Variants in TGFBRAP1 observed in about 807,000 individuals in gnomAD.
The protein encoded by TGFBRAP1 is transforming growth factor beta receptor associated protein 1, also known as transforming growth factor-beta receptor-associated protein 1.
Under a neutral mutation model 83.2 loss-of-function variants are expected in TGFBRAP1, and 20 were observed. The ratio of observed to expected loss-of-function variants is 0.24; its 90% CI spans 0.17 to 0.35. The LOEUF (loss-of-function observed/expected upper bound fraction) is 0.35. TGFBRAP1 is among the 10% of genes least tolerant of loss of function. The probability of loss-of-function intolerance (pLI) is 1.00; values close to 1 mark genes in which losing one functional copy is unlikely to be tolerated. For synonymous variants in TGFBRAP1, 415 were observed against 459.8 expected (o/e 0.90, Z 1.25); for missense variants, 950 against 1,099.4 (o/e 0.86, Z 1.92).
chr2:105,310,189 G>A (rs1472860753), intron 1 of TGFBRAP1, among the ~76,000 whole-genome samples: 15 of 152,180 alleles, frequency 9.9e-5, no homozygotes, highest in Admixed American at 1.3e-4. Flanking sequence ...GGACGATTAA[G>A]TAAGTGACCT....
intron 4 of TGFBRAP1, among the ~76,000 whole-genome samples, chr2:105,286,501 G>A (rs538937004): frequency 8.5e-5 from 13 of 152,330 alleles, no homozygotes; most frequent in Non-Finnish European, 1.8e-4. Flanking sequence ...TACATACGAA[G>A]GACAGAGAAC....
intron 8 of TGFBRAP1, among the ~76,000 whole-genome samples, chr2:105,274,714 A>G (rs1051252711): frequency 3.3e-5 from 5 of 152,358 alleles, no homozygotes; most frequent in African/African-American, 1.2e-4. Context: ...ACAAGTATGC[A>G]AAGTGCAAGT....
intron 6 of TGFBRAP1, among the ~76,000 whole-genome samples, chr2:105,278,728 C>T (rs952879549): frequency 6.6e-6 from 1 of 152,026 alleles, no homozygotes; most frequent in Non-Finnish European, 1.5e-5. Flanking sequence ...AGGGGTCAAG[C>T]ATCTTCCCTC....
At chr2:105,271,366 A>G (rs1048257873) in intron 10 of TGFBRAP1, among the ~76,000 whole-genome samples, 3 of 152,252 alleles carry the variant, frequency 2.0e-5, no homozygotes, top group African/African-American at 7.2e-5. Context: ...AGCAAAAAGA[A>G]TAAGTCAGGA....
chr2:105,273,039 C>T, intron 9 of TGFBRAP1, 25 bp from the exon 10 acceptor site: 1 of 1,602,676 alleles, frequency 6.2e-7, no homozygotes. Context: ...GGGAGCCAAG[C>T]AGACAGACAG....
rs1677638451 is a variant in TGFBRAP1, at chr2:105,284,222, C to T, written c.1121+94G>A. 4.2e-6 allele frequency: 5 copies of T among 1,186,096 alleles called. No homozygotes were observed. In the Admixed American group the frequency reaches 5.2e-5, roughly 12 times the overall value. 73.5% of individuals were successfully genotyped at this position (1,186,096 alleles called of 1,614,324 possible). On this transcript the variant is annotated intron_variant, in intron 5 of 11. Transcript: ENST00000393359. Reference sequence around the variant, plus strand: ...CCACCTGAAGCACAATCTAACCATGCAACACATCCCACCGCGACGTCACAC... The same window carrying T: ...CCACCTGAAGCACAATCTAACCATGTAACACATCCCACCGCGACGTCACAC...
intron 4 of TGFBRAP1, among the ~76,000 whole-genome samples, chr2:105,293,162 A>C (rs887312026): frequency 1.3e-5 from 2 of 152,190 alleles, no homozygotes; most frequent in Non-Finnish European, 2.9e-5. Context: ...ACATGTATTG[A>C]AATGTTTTTA....
chr2:105,250,799 G>A, the TGFBRAP1 span, among the ~76,000 whole-genome samples: 3 of 152,028 alleles, frequency 2.0e-5, no homozygotes, highest in East Asian at 3.9e-4. Flanking sequence ...GATTGCAGGC[G>A]CGCGCCGCCA....
chr2:105,306,466 G>A lies in TGFBRAP1; in HGVS notation c.688+1148C>T, dbSNP rs1364281291. ...GGGAGGGAAGAGCCCCTGAGAAAAGGGAGGTCTGGAAAATCCCACATCCCA... is the reference window on the plus strand; with the variant it reads ...GGGAGGGAAGAGCCCCTGAGAAAAGAGAGGTCTGGAAAATCCCACATCCCA... On this transcript the variant is annotated intron_variant, in intron 2 of 11. Transcript: ENST00000393359. Among the ~76,000 whole-genome samples the A allele has an allele frequency of 5.3e-5, 8 of 152,246 alleles. No individual in the cohort carries two copies. The East Asian group carries it at 1.4e-3, about 26-fold the overall frequency.
chr2:105,299,399 G>A (rs924338932), intron 2 of TGFBRAP1, among the ~76,000 whole-genome samples: 1 of 152,134 alleles, frequency 6.6e-6, no homozygotes, highest in African/African-American at 2.4e-5. Context: ...CAAATAGGGC[G>A]TAATCCTGAG....
At chr2:105,258,870 C>A in the TGFBRAP1 span, among the ~76,000 whole-genome samples, 2 of 152,166 alleles carry the variant, frequency 1.3e-5, no homozygotes, top group Admixed American at 1.3e-4. Flanking sequence ...GAAAAGCTGA[C>A]CTTCCCTGTC....
Position 105,266,242 on chromosome 2 carries a change from C to T in TGFBRAP1, c.*1141G>A, listed in dbSNP as rs549095616. ...GTGACACAGCCTGTCTGGATGTCCT[C>T]GGGAGGGTGTGCCATCCAGGAGGCG... On this transcript the variant is annotated 3_prime_UTR_variant, in exon 12 of 12. Coordinates refer to ENST00000393359, the MANE Select transcript of TGFBRAP1 (RefSeq NM_004257.6). The T allele has an allele frequency of 3.9e-5, 6 of 152,294 alleles. No homozygotes were observed. The highest frequency in any genetic ancestry group is 3.9e-4 in the East Asian group (2 of 5,176). The allele number at this position is 152,294 out of a possible 1,614,324, so 9.4% of individuals were successfully genotyped here.
intron 1 of TGFBRAP1, among the ~76,000 whole-genome samples, chr2:105,313,313 C>G (rs1029479055): frequency 7.2e-5 from 11 of 152,186 alleles, no homozygotes; most frequent in African/African-American, 2.7e-4. Flanking sequence ...ATGTAGGCTT[C>G]TAGAGGTCCC....
rs1301357598 is a variant in TGFBRAP1, at chr2:105,307,704, C to T, written c.598G>A (p.Asp200Asn). ...TCCTCACTGCAGTAGGGAAACAGGT[C>T]CTGGGAGACGCCTGTGCTGTAATTG... ...IHNYSTGVSQDLFPYCSEERP... is the reference protein window; with the variant it reads ...IHNYSTGVSQNLFPYCSEERP... Residue 200 changes from aspartate (D) to asparagine (N), a missense_variant, in exon 2 of 12, where the codon GAC becomes AAC. Physicochemically the swap from Asp to Asn is conservative, Grantham distance 23. Transcript: ENST00000393359. The T allele has an allele frequency of 6.2e-7, 1 of 1,614,044 alleles. No individual in the cohort carries two copies. Among genetic ancestry groups the T allele is most frequent in the African/African-American group, 1.3e-5 (1 of 74,910 alleles).
intron 1 of TGFBRAP1, among the ~76,000 whole-genome samples, chr2:105,327,461 G>A (rs763285123): frequency 1.4e-4 from 21 of 152,052 alleles, no homozygotes; most frequent in Non-Finnish European, 2.2e-4. Flanking sequence ...CCAGCTACTT[G>A]AGAGGCTGAG....
At chr2:105,326,588 A>G (rs1679232148) in intron 1 of TGFBRAP1, among the ~76,000 whole-genome samples, 1 of 152,152 alleles carries the variant, frequency 6.6e-6, no homozygotes, top group Admixed American at 6.6e-5. Flanking sequence ...GCATGGTGGC[A>G]TGTGCCTATA....
intron 7 of TGFBRAP1, 60 bp downstream of exon 7, chr2:105,277,554 A>G: frequency 6.4e-7 from 1 of 1,555,498 alleles, no homozygotes; most frequent in Non-Finnish European, 8.9e-7. Context: ...TTTAAGTAAC[A>G]CTAAGTATTA....
chr2:105,300,689 G>A (rs1678258357), intron 2 of TGFBRAP1, among the ~76,000 whole-genome samples: 1 of 151,918 alleles, frequency 6.6e-6, no homozygotes, highest in African/African-American at 2.4e-5. Context: ...TGCCTGCCTC[G>A]GCCTCCTGAA....
chr2:105,303,837 C>T (rs188882932), intron 2 of TGFBRAP1, among the ~76,000 whole-genome samples: 145 of 152,194 alleles, frequency 9.5e-4, no homozygotes, highest in African/African-American at 3.3e-3. Context: ...GCATGTTAAA[C>T]AATACTATGG....
Sources: gnomAD v4.1 joint callset for allele counts (sites outside exome capture counted in the v4.1 genomes callset) on GRCh38, gnomAD v4.1.1 for gene constraint, MANE v1.5 for transcripts, NCBI Gene and HGNC (gene_info 2026-07-23, HGNC 2026-07-21) for gene names.